The following PTPRT variants were observed in gnomAD, a reference collection of about 807,000 sequenced individuals.
The protein encoded by PTPRT is receptor-type tyrosine-protein phosphatase T.
Under a neutral mutation model 176.8 loss-of-function variants are expected in PTPRT, and 56 were observed. That is an observed-to-expected ratio of 0.32 (90% CI 0.26 to 0.40). The LOEUF is 0.40. PTPRT is among the 10% of genes least tolerant of loss of function. PTPRT has a pLI of 1.00. For synonymous variants in PTPRT, 783 were observed against 739.0 expected, an observed-to-expected ratio of 1.06 and a Z score of -0.96; for missense variants, 1,540 against 1,908.2, an observed-to-expected ratio of 0.81 and a Z score of 3.60.
At chr20:42,052,270 C>T in the PTPRT span, among the ~76,000 whole-genome samples, 1 of 152,306 alleles carries the variant, frequency 6.6e-6, no homozygotes, top group East Asian at 1.9e-4. Context: ...CTGCCTGCTT[C>T]TGAGCACAGG....
At chr20:42,328,974 A>C (rs1326624758) in intron 11 of PTPRT, among the ~76,000 whole-genome samples, 2 of 152,096 alleles carry the variant, frequency 1.3e-5, no homozygotes, top group African/African-American at 4.8e-5. Flanking sequence ...CACACACACC[A>C]CACACACACT....
At chr20:42,096,056 C>T (rs908382730) in intron 27 of PTPRT, among the ~76,000 whole-genome samples, 1 of 152,206 alleles carries the variant, frequency 6.6e-6, no homozygotes, top group Admixed American at 6.5e-5. Context: ...TCACCTCCCA[C>T]CTGCACCTGC....
At chr20:42,189,550 G>C (rs1273463465) in intron 16 of PTPRT, among the ~76,000 whole-genome samples, 1 of 152,180 alleles carries the variant, frequency 6.6e-6, no homozygotes, top group Non-Finnish European at 1.5e-5. Context: ...ATAACCAGGA[G>C]ATGAAAAGTA....
At chr20:42,203,157 A>C (rs564718477) in intron 15 of PTPRT, among the ~76,000 whole-genome samples, 63 of 152,326 alleles carry the variant, frequency 4.1e-4, no homozygotes, top group Admixed American at 1.5e-3. Context: ...TACAAGGTGG[A>C]AATGGAGGGG....
chr20:42,314,547 GA>G (rs567432340), intron 12 of PTPRT, among the ~76,000 whole-genome samples: 82 of 118,162 alleles, frequency 6.9e-4, no homozygotes, highest in African/African-American at 2.5e-3. Context: ...AAAAAAGAAA[GA>G]AAAGAAAAGA....
chr20:42,344,890 G>A (rs983339071), intron 11 of PTPRT, among the ~76,000 whole-genome samples: 27 of 151,942 alleles, frequency 1.8e-4, no homozygotes, highest in African/African-American at 6.0e-4. Context: ...CTCTGTGTGC[G>A]CTTTTGCATA....
chr20:42,633,917 TATATA>T (rs1250769334), intron 7 of PTPRT, among the ~76,000 whole-genome samples: 13 of 62,290 alleles, frequency 2.1e-4, no homozygotes, highest in African/African-American at 6.6e-4. Flanking sequence ...TATATAATTA[TATATA>T]ATATATTATA....
At chr20:42,761,036 T>C (rs2076907718) in intron 5 of PTPRT, among the ~76,000 whole-genome samples, 1 of 152,138 alleles carries the variant, frequency 6.6e-6, no homozygotes, top group Admixed American at 6.5e-5. Context: ...GGAAAACAGG[T>C]CTGGCATGGA....
chr20:42,408,944 T>A (rs940608327), intron 9 of PTPRT, among the ~76,000 whole-genome samples: 3 of 152,204 alleles, frequency 2.0e-5, no homozygotes, highest in Admixed American at 6.5e-5. Flanking sequence ...CTCCCCAGTA[T>A]CTCTCTCATA....
chr20:42,951,507 G>T (rs1399199080), intron 1 of PTPRT, among the ~76,000 whole-genome samples: 1 of 152,110 alleles, frequency 6.6e-6, no homozygotes, highest in Non-Finnish European at 1.5e-5. Flanking sequence ...ACATTTTTGA[G>T]CACCTACCAT....
intron 11 of PTPRT, among the ~76,000 whole-genome samples, chr20:42,342,760 T>G (rs2058131166): frequency 6.6e-6 from 1 of 152,218 alleles, no homozygotes; most frequent in Admixed American, 6.5e-5. Flanking sequence ...TTTCATGTGC[T>G]CCCACTCTGG....
chr20:42,497,486 T>C (rs1369021449), intron 7 of PTPRT, among the ~76,000 whole-genome samples: 1 of 152,110 alleles, frequency 6.6e-6, no homozygotes, highest in East Asian at 1.9e-4. Context: ...AGTCTCTCTG[T>C]TGCTCAGGCT....
At chr20:42,169,792 A>ACACACACACACAC (rs781141603) in intron 16 of PTPRT, among the ~76,000 whole-genome samples, 32 of 95,426 alleles carry the variant, frequency 3.4e-4, no homozygotes, top group Middle Eastern at 5.1e-3. Context: ...ACACACACAC[A>ACACACACACACAC]ACAGTCAGTA....
chr20:42,493,133 C>T (rs2071590654), intron 7 of PTPRT, among the ~76,000 whole-genome samples: 1 of 152,138 alleles, frequency 6.6e-6, no homozygotes, highest in Non-Finnish European at 1.5e-5. Context: ...CTTGGCTAAG[C>T]ATTTTGCTGG....
the PTPRT span, among the ~76,000 whole-genome samples, chr20:42,048,880 G>A: frequency 1.3e-5 from 2 of 152,166 alleles, no homozygotes; most frequent in African/African-American, 2.4e-5. Flanking sequence ...GGAGTGCAGT[G>A]GCGCAATCTC....
intron 7 of PTPRT, among the ~76,000 whole-genome samples, chr20:42,535,845 C>T (rs952038114): frequency 1.3e-5 from 2 of 152,144 alleles, no homozygotes; most frequent in African/African-American, 2.4e-5. Context: ...GATCCATAGC[C>T]TATTCCATGG....
intron 2 of PTPRT, among the ~76,000 whole-genome samples, chr20:42,839,249 C>A (rs1304899595): frequency 1.3e-5 from 2 of 151,362 alleles, no homozygotes; most frequent in African/African-American, 4.9e-5. Flanking sequence ...AGTCTCAGAG[C>A]AAAAAGCTCT....
At chr20:42,897,227 A>G (rs2079317982) in intron 1 of PTPRT, among the ~76,000 whole-genome samples, 1 of 152,228 alleles carries the variant, frequency 6.6e-6, no homozygotes, top group Admixed American at 6.5e-5. Context: ...TGAGCAGTGA[A>G]TTTATTATAA....
intron 16 of PTPRT, among the ~76,000 whole-genome samples, chr20:42,171,955 A>C (rs1190205179): frequency 6.6e-6 from 1 of 152,158 alleles, no homozygotes; most frequent in African/African-American, 2.4e-5. Flanking sequence ...AGAGCCTTGT[A>C]AGGAATCTTA....
Sources: gnomAD v4.1 joint callset for allele counts (sites outside exome capture counted in the v4.1 genomes callset) on GRCh38, gnomAD v4.1.1 for gene constraint, MANE v1.5 for transcripts, NCBI Gene and HGNC (gene_info 2026-07-23, HGNC 2026-07-21) for gene names.